NUP88: variants seen among roughly 807,000 people sequenced by gnomAD.
The protein encoded by NUP88 is nuclear pore complex protein Nup88.
In NUP88, 57 loss-of-function variants were observed where a neutral mutation model predicts 93.9. The ratio of observed to expected loss-of-function variants is 0.61; its 90% CI spans 0.49 to 0.76. The LOEUF (loss-of-function observed/expected upper bound fraction) is 0.76. NUP88 is among the 30% of genes least tolerant of loss of function. The probability of loss-of-function intolerance (pLI) is 0.00; values close to 1 mark genes in which losing one functional copy is unlikely to be tolerated. For missense variants in NUP88, 911 were observed against 901.0 expected (o/e 1.01, Z -0.14); for synonymous variants, 346 against 336.8 (o/e 1.03, Z -0.30).
chr17:5,387,538 A>G, intron 13 of NUP88, 67 bp downstream of exon 13: 7 of 1,595,232 alleles, frequency 4.4e-6, no homozygotes, highest in Non-Finnish European at 6.0e-6. Context: ...GTGGCTCAGC[A>G]TCTTAGGGTG....
chr17:5,388,988 C>A, intron 10 of NUP88, 28 bp from the exon 11 acceptor site: 1 of 1,564,536 alleles, frequency 6.4e-7, no homozygotes, highest in Non-Finnish European at 8.7e-7. Context: ...AAATTGAATT[C>A]TACCATGGAG....
chr17:5,407,325 A>C (rs1000357450), intron 5 of NUP88, among the ~76,000 whole-genome samples: 4 of 151,986 alleles, frequency 2.6e-5, no homozygotes. Flanking sequence ...ACTCCATCAC[A>C]CTCCTGAAGA....
At chr17:5,398,155 C>T (rs1379567041) in intron 8 of NUP88, among the ~76,000 whole-genome samples, 5 of 151,770 alleles carry the variant, frequency 3.3e-5, no homozygotes, top group East Asian at 1.9e-4. Flanking sequence ...TCAAGTGCCT[C>T]GGCCTCCAAA....
chr17:5,408,275 G>A (rs1913611370), intron 5 of NUP88, among the ~76,000 whole-genome samples: 1 of 152,084 alleles, frequency 6.6e-6, no homozygotes, highest in African/African-American at 2.4e-5. Flanking sequence ...CCTTCTCTAC[G>A]AAAATTTCCT....
intron 11 of NUP88, 154 bp downstream of exon 11, chr17:5,388,648 C>T (rs761463715): frequency 5.1e-4 from 323 of 633,476 alleles, no homozygotes; most frequent in Non-Finnish European, 7.7e-4. Flanking sequence ...TTCCCTCCTG[C>T]TCCCCATTCA....
chr17:5,389,063 AGT>A, intron 10 of NUP88, 103 bp from the exon 11 acceptor site: 1 of 895,982 alleles, frequency 1.1e-6, no homozygotes, highest in Non-Finnish European at 1.6e-6. Context: ...TATAAAATAA[AGT>A]GTAACTTTTG....
chr17:5,392,800 GTTTT>G (rs911039418), intron 9 of NUP88, among the ~76,000 whole-genome samples: 2 of 152,098 alleles, frequency 1.3e-5, no homozygotes, highest in African/African-American at 4.8e-5. Flanking sequence ...GGATTTTGGG[GTTTT>G]TTTGAGATAG....
chr17:5,391,354 T>G lies in NUP88; in HGVS notation c.1484+207A>C, dbSNP rs113572492. 1.4e-4 allele frequency: 72 copies of G among 516,726 alleles called. 1 individual carries two copies. In the Middle Eastern group the frequency reaches 2.1e-3, roughly 15 times the overall value. 32.0% of individuals were successfully genotyped at this position (516,726 alleles called of 1,614,324 possible). A position where few individuals can be genotyped will look rare whatever the true frequency, so the allele number is the denominator to read the frequency against. On this transcript the variant is annotated intron_variant, in intron 10 of 16. Transcript: ENST00000573584. ...GAAAAGCTCCTGACTCTCAGCTAGG[T>G]GCAGGGGATGCCAGAAACTATACCT...
intron 10 of NUP88, among the ~76,000 whole-genome samples, chr17:5,390,991 C>A (rs1278948545): frequency 6.6e-6 from 1 of 152,096 alleles, no homozygotes; most frequent in Non-Finnish European, 1.5e-5. Flanking sequence ...CAGCTTTATT[C>A]CAGTTTACAT....
At chr17:5,393,916 G>A (rs925250028) in intron 9 of NUP88, among the ~76,000 whole-genome samples, 1 of 152,138 alleles carries the variant, frequency 6.6e-6, no homozygotes, top group South Asian at 2.1e-4. Context: ...TCTAGTAATT[G>A]ATGAACAGAA....
chr17:5,393,567 G>A (rs750093465), intron 9 of NUP88, among the ~76,000 whole-genome samples: 13 of 151,706 alleles, frequency 8.6e-5, no homozygotes, highest in Non-Finnish European at 1.8e-4. Flanking sequence ...CTCCCGAGTA[G>A]CTGGGATTGC....
chr17:5,415,342 C>A (rs548625722), intron 2 of NUP88, among the ~76,000 whole-genome samples: 5 of 152,074 alleles, frequency 3.3e-5, no homozygotes, highest in African/African-American at 7.2e-5. Context: ...ATATTTCATA[C>A]GTATATATAC....
intron 11 of NUP88, 46 bp from the exon 12 acceptor site, chr17:5,387,950 C>T: frequency 6.5e-7 from 1 of 1,545,346 alleles, no homozygotes; most frequent in Non-Finnish European, 8.7e-7. Flanking sequence ...CTGAGTAAAA[C>T]AACTGAAAAT....
In NUP88 at chr17:5,386,226, G is replaced by A. The variant is rs199908225; in HGVS notation, c.2206C>T (p.Arg736Cys). Residue 736 changes from arginine (R) to cysteine (C), a missense_variant, in exon 17 of 17, where the codon CGC becomes TGC. Physicochemically the swap from Arg to Cys is radical, Grantham distance 180. Coordinates refer to ENST00000573584, the MANE Select transcript of NUP88 (RefSeq NM_002532.6). ...TGGTGTCAGAAGTTTACATGATTGC[G>A]GATATCATTGATTTGCTTCACCATT... ...REMVKQINDI[R>C]NHVNF The A allele has an allele frequency of 4.0e-5, 64 of 1,613,146 alleles. No individual in the cohort carries two copies. The highest frequency in any genetic ancestry group is 3.3e-4 in the Middle Eastern group (2 of 6,060).
intron 3 of NUP88, among the ~76,000 whole-genome samples, chr17:5,411,620 G>C (rs529569357): frequency 1.3e-5 from 2 of 149,132 alleles, no homozygotes; most frequent in South Asian, 4.3e-4. Flanking sequence ...ACCCAGTATC[G>C]TATCATCTCT....
At position 5,385,386 on chromosome 17, in the gene NUP88, C is replaced by T. The variant is rs1296790288; in HGVS notation, c.*820G>A. The T allele has an allele frequency of 4.3e-6, 1 of 230,490 alleles. No individual in the cohort carries two copies. The highest frequency in any genetic ancestry group is 6.2e-5 in the East Asian group (1 of 16,204). 14.3% of individuals were successfully genotyped at this position (230,490 alleles called of 1,614,324 possible). A position where few individuals can be genotyped will look rare whatever the true frequency, so the allele number is the denominator to read the frequency against. On this transcript the variant is annotated 3_prime_UTR_variant, in exon 17 of 17. Transcript: ENST00000573584. ...TGTGCCTACATGTTCTCATGCATGT[C>T]TAACCTGATTTACCTCTTACCTGTA...
chr17:5,386,238 T>TTTGCTTACA lies in NUP88; in HGVS notation c.2193_2194insTGTAAGCAA (p.Gln731_Ile732insCysLysGln). 6.2e-7 allele frequency: 1 copy of TTTGCTTACA among 1,613,492 alleles called. No individual in the cohort carries two copies. The highest frequency in any genetic ancestry group is 8.5e-7 in the Non-Finnish European group (1 of 1,179,766). On this transcript the variant is annotated inframe_insertion, in exon 17 of 17. Transcript: ENST00000573584. The stretch of plus-strand genomic sequence containing the variant: ...TTTACATGATTGCGGATATCATTGA[T>TTTGCTTACA]TTGCTTCACCATTTCCCTTATATGT...
At chr17:5,414,982 T>A (rs994308437) in intron 2 of NUP88, among the ~76,000 whole-genome samples, 1 of 150,422 alleles carries the variant, frequency 6.6e-6, no homozygotes, top group Admixed American at 6.6e-5. Flanking sequence ...AAATAAATAA[T>A]TTATTTATTT....
At chr17:5,417,848 CA>C (rs1914253564) in intron 1 of NUP88, among the ~76,000 whole-genome samples, 1 of 144,708 alleles carries the variant, frequency 6.9e-6, no homozygotes, top group African/African-American at 2.6e-5. Flanking sequence ...CAAAACAAAA[CA>C]AAACAAAAAC....
Sources: gnomAD v4.1 joint callset for allele counts (sites outside exome capture counted in the v4.1 genomes callset) on GRCh38, gnomAD v4.1.1 for gene constraint, MANE v1.5 for transcripts, NCBI Gene and HGNC (gene_info 2026-07-23, HGNC 2026-07-21) for gene names.